Variants in FILIP1 observed in about 807,000 individuals in gnomAD.
The protein encoded by FILIP1 is filamin A interacting protein 1.
A neutral mutation model predicts 102.1 loss-of-function variants in FILIP1; 61 were observed. That is an observed-to-expected ratio of 0.60 (90% CI 0.49 to 0.74). The LOEUF is 0.74. FILIP1 is among the 30% of genes least tolerant of loss of function. The probability of loss-of-function intolerance (pLI) is 0.00; values close to 1 mark genes in which losing one functional copy is unlikely to be tolerated. For missense variants in FILIP1, 1,314 were observed against 1,441.2 expected (o/e 0.91, Z 1.43); for synonymous variants, 491 against 526.9 (o/e 0.93, Z 0.93).
chr6:75,428,847 T>C (rs958987470), intron 1 of FILIP1, among the ~76,000 whole-genome samples: 1 of 151,320 alleles, frequency 6.6e-6, no homozygotes, highest in Non-Finnish European at 1.5e-5. Context: ...CATTTTTATA[T>C]CAGATTTCAC....
intron 2 of FILIP1, among the ~76,000 whole-genome samples, chr6:75,412,107 AG>A: frequency 1.3e-5 from 2 of 152,252 alleles, no homozygotes; most frequent in East Asian, 3.9e-4. Context: ...AGTGTTTTGT[AG>A]TTCTCCTTGA....
chr6:75,309,432 C>A (rs901256750), intron 5 of FILIP1, among the ~76,000 whole-genome samples: 1 of 152,150 alleles, frequency 6.6e-6, no homozygotes, highest in Admixed American at 6.6e-5. Flanking sequence ...TATCTGATGA[C>A]CCCTTTTCAA....
In FILIP1 at chr6:75,313,088, G is replaced by A. The variant is rs554789463; in HGVS notation, c.2744C>T (p.Thr915Ile). ...CGCAGTGCTGTTCTCGTGGTCTGGT[G>A]TCACTCGAATATGCAGGGGCTGGCC... The part of the protein sequence containing the change: ...KQGQPLHIRV[T>I]PDHENSTATL... The change falls in exon 5 of 6, where the codon ACA becomes ATA. Residue 915 changes from threonine (T) to isoleucine (I), a missense_variant. Coordinates refer to ENST00000237172, the MANE Select transcript of FILIP1 (RefSeq NM_015687.5). This position sits in a 1 kb window ranked among gnomAD's most constrained non-coding sequence, Gnocchi z 4.2. 5.0e-6 allele frequency: 8 copies of A among 1,614,218 alleles called. No individual in the cohort carries two copies. The African/African-American group carries it at 1.1e-4, about 22-fold the overall frequency.
intron 6 of FILIP1, chr6:75,296,371 GTGTGTGTGTGT>G (rs1562414724): frequency 2.0e-5 from 3 of 151,376 alleles, no homozygotes; most frequent in Admixed American, 6.6e-5. Flanking sequence ...GTGTGTGTGT[GTGTGTGTGTGT>G]GGATTAGAGT....
At chr6:75,326,165 G>A (rs1451029733) in intron 4 of FILIP1, among the ~76,000 whole-genome samples, 2 of 151,950 alleles carry the variant, frequency 1.3e-5, no homozygotes, top group Non-Finnish European at 2.9e-5. Flanking sequence ...ATACTACTCA[G>A]CCATAAAAAG....
chr6:75,389,537 C>A (rs1776213049), intron 2 of FILIP1, among the ~76,000 whole-genome samples: 1 of 152,108 alleles, frequency 6.6e-6, no homozygotes, highest in South Asian at 2.1e-4. Context: ...TTAATTACTG[C>A]CTCAATTTCA....
intron 1 of FILIP1, among the ~76,000 whole-genome samples, chr6:75,478,832 A>C (rs985859843): frequency 6.6e-6 from 1 of 152,294 alleles, no homozygotes; most frequent in Admixed American, 6.5e-5. Flanking sequence ...AATTTTTTTC[A>C]GAGTATTTCA....
At chr6:75,312,191 C>T (rs1464571953) in intron 5 of FILIP1, among the ~76,000 whole-genome samples, 1 of 152,130 alleles carries the variant, frequency 6.6e-6, no homozygotes, top group Admixed American at 6.5e-5. Context: ...GTGAAGTTTT[C>T]CCTCAAAGTT....
downstream of FILIP1, among the ~76,000 whole-genome samples, chr6:75,305,442 A>G (rs1340578383): frequency 6.6e-6 from 1 of 152,236 alleles, no homozygotes; most frequent in African/African-American, 2.4e-5. Context: ...TCTTGAAGAC[A>G]TTCGAGTAAG....
intron 1 of FILIP1, among the ~76,000 whole-genome samples, chr6:75,483,598 T>C (rs1342805734): frequency 6.6e-6 from 1 of 152,050 alleles, no homozygotes; most frequent in Non-Finnish European, 1.5e-5. Flanking sequence ...AACAAAATCT[T>C]GAGGAGAATA....
chr6:75,439,978 A>G (rs1778154862), intron 1 of FILIP1, among the ~76,000 whole-genome samples: 1 of 152,258 alleles, frequency 6.6e-6, no homozygotes, highest in South Asian at 2.1e-4. Context: ...CAATAAAAAA[A>G]TATGCATTTG....
chr6:75,482,933 C>G (rs528024624), intron 1 of FILIP1, among the ~76,000 whole-genome samples: 2 of 152,046 alleles, frequency 1.3e-5, no homozygotes, highest in African/African-American at 4.8e-5. Context: ...CAAGTCATAA[C>G]GGAATTTATT....
chr6:75,300,474 C>T (rs1772809774), intron 6 of FILIP1, among the ~76,000 whole-genome samples: 1 of 152,192 alleles, frequency 6.6e-6, no homozygotes, highest in South Asian at 2.1e-4. Flanking sequence ...CTCAGAACAA[C>T]TTGTCCACTG....
At chr6:75,459,145 C>CT (rs1778937757) in intron 1 of FILIP1, among the ~76,000 whole-genome samples, 2 of 152,290 alleles carry the variant, frequency 1.3e-5, no homozygotes, top group African/African-American at 4.8e-5. Flanking sequence ...ACCTAAGAAT[C>CT]TAATGACACT....
Position 75,327,996 on chromosome 6 carries a change from C to T in FILIP1, c.630-12794G>A, listed in dbSNP as rs557298642. On this transcript the variant is annotated intron_variant, in intron 4 of 5. Coordinates refer to ENST00000237172, the MANE Select transcript of FILIP1 (RefSeq NM_015687.5). ...ATAGGAGCAAGGAACTGCTAAATGA[C>T]CTCATGATGATGCAATCAGAAAAAT... is the stretch of plus-strand genomic sequence containing the variant. 3.3e-5 allele frequency among the ~76,000 whole-genome samples: 5 copies of T among 152,268 alleles called. No homozygotes were observed. The East Asian group carries it at 7.7e-4, about 23-fold the overall frequency.
At chr6:75,380,582 A>G (rs1775880931) in intron 2 of FILIP1, among the ~76,000 whole-genome samples, 1 of 152,202 alleles carries the variant, frequency 6.6e-6, no homozygotes, top group Non-Finnish European at 1.5e-5. Flanking sequence ...CAAGTCTTCA[A>G]AAACATTTAT....
intron 1 of FILIP1, among the ~76,000 whole-genome samples, chr6:75,418,800 G>A (rs1777356794): frequency 6.6e-6 from 1 of 152,136 alleles, no homozygotes; most frequent in Admixed American, 6.5e-5. Flanking sequence ...GTTAACTGGA[G>A]CACAGATGCT....
In FILIP1 at chr6:75,414,993, T is replaced by A. The variant is rs1194366994; in HGVS notation, c.-6-15A>T. On this transcript the variant is annotated splice_polypyrimidine_tract_variant and intron_variant, in intron 1 of 5. Transcript: ENST00000237172. ...CTCATTCCCACCTACAACACATACA[T>A]AAAAAAAGATAAGATGTTCTTTACC... 1.3e-6 allele frequency: 2 copies of A among 1,592,516 alleles called. No homozygotes were observed. Among genetic ancestry groups the A allele is most frequent in the Non-Finnish European group, 1.7e-6 (2 of 1,171,070 alleles).
intron 2 of FILIP1, among the ~76,000 whole-genome samples, chr6:75,373,453 C>T (rs1159884904): frequency 1.3e-5 from 2 of 152,044 alleles, no homozygotes; most frequent in African/African-American, 4.8e-5. Context: ...ATATATTTTA[C>T]CACAATCTTA....
Sources: gnomAD v4.1 joint callset for allele counts (sites outside exome capture counted in the v4.1 genomes callset) on GRCh38, gnomAD v4.1.1 for gene constraint, Gnocchi (gnomAD v3.1) non-coding constraint, MANE v1.5 for transcripts, NCBI Gene and HGNC (gene_info 2026-07-23, HGNC 2026-07-21) for gene names.